ZNF683: variants seen among roughly 807,000 people sequenced by gnomAD.
ZNF683 encodes the protein zinc finger protein 683.
In ZNF683, 20 loss-of-function variants were observed where a neutral mutation model predicts 31.4. The observed-to-expected ratio is 0.64, with a 90% CI of 0.45 to 0.93. The LOEUF (loss-of-function observed/expected upper bound fraction) is 0.93, where lower values mean the gene tolerates loss of function less well. ZNF683 is among the 40% of genes least tolerant of loss of function. ZNF683 has a pLI of 0.00. For missense variants in ZNF683, 621 were observed against 637.2 expected (o/e 0.97, Z 0.27); for synonymous variants, 264 against 267.6 (o/e 0.99, Z 0.13).
intron 1 of ZNF683, chr1:26,370,600 T>A (rs774811703): frequency 1.1e-4 from 103 of 964,502 alleles, no homozygotes; most frequent in Non-Finnish European, 1.2e-4. Flanking sequence ...TCCTCACTCC[T>A]CCCAACGCTG....
chr1:26,362,320 G>T, intron 5 of ZNF683: 1 of 806,954 alleles, frequency 1.2e-6, no homozygotes, highest in Non-Finnish European at 2.1e-6. Context: ...ATGGTGGACT[G>T]AATGAGATAA....
chr1:26,372,655 A>G lies in ZNF683; in HGVS notation c.-15+14T>C, dbSNP rs1234130015. ...TAAAAACTACTTCCCCTCTATCCGCACTTCCCAACCTACTCTGGTGATCAT... is the reference window on the plus strand; with the variant it reads ...TAAAAACTACTTCCCCTCTATCCGCGCTTCCCAACCTACTCTGGTGATCAT... On this transcript the variant is annotated intron_variant, in intron 1 of 5. Transcript: ENST00000349618. 2 of 1,302,286 alleles carry G rather than the reference A, an allele frequency of 1.5e-6. No homozygotes were observed. The highest frequency in any genetic ancestry group is 3.0e-5 in the African/African-American group (2 of 65,746). 80.7% of individuals were successfully genotyped at this position (1,302,286 alleles called of 1,614,324 possible).
chr1:26,372,653 G>A lies in ZNF683; in HGVS notation c.-15+16C>T, dbSNP rs932805480. On this transcript the variant is annotated intron_variant, in intron 1 of 5. Transcript: ENST00000349618. ...AATAAAAACTACTTCCCCTCTATCC[G>A]CACTTCCCAACCTACTCTGGTGATC... 10 of 1,302,416 alleles carry A rather than the reference G, an allele frequency of 7.7e-6. No individual in the cohort carries two copies. Among genetic ancestry groups the A allele is most frequent in the South Asian group, 6.2e-5 (5 of 80,926 alleles). 80.7% of individuals were successfully genotyped at this position (1,302,416 alleles called of 1,614,324 possible). A position where few individuals can be genotyped will look rare whatever the true frequency, so the allele number is the denominator to read the frequency against.
At chr1:26,374,238 G>A (rs762188513), upstream of ZNF683, 16 of 1,303,052 alleles carry the variant, frequency 1.2e-5, no homozygotes, top group Middle Eastern at 2.1e-4. Flanking sequence ...GAGGGGCACC[G>A]AGTGAAGTTT....
At chr1:26,369,668 C>CAAAA (rs56178546) in intron 1 of ZNF683, among the ~76,000 whole-genome samples, 30,629 of 108,288 alleles carry the variant, frequency 0.28, 4,067 homozygotes, top group East Asian at 0.6. Context: ...ACTTTGTCTC[C>CAAAA]AAAAAAAAAA....
chr1:26,368,596 G>A lies in ZNF683; in HGVS notation c.-14-11C>T. ...TATCCCCATTACCTGCTGGGAAACA[G>A]GTGAGTTAGAGGTAAGCTGTGAAGG... On this transcript the variant is annotated splice_polypyrimidine_tract_variant and intron_variant, in intron 1 of 5. Coordinates refer to ENST00000349618, the MANE Select transcript of ZNF683 (RefSeq NM_001114759.3). The A allele has an allele frequency of 1.9e-6, 3 of 1,584,420 alleles. No individual in the cohort carries two copies. The highest frequency in any genetic ancestry group is 2.6e-6 in the Non-Finnish European group (3 of 1,166,200).
intron 5 of ZNF683, 162 bp from the exon 6 acceptor site, chr1:26,362,184 T>C: frequency 1.9e-6 from 3 of 1,581,174 alleles, no homozygotes. Flanking sequence ...ATCTAGCACA[T>C]TAGAACCAGG....
chr1:26,363,228 C>A, intron 4 of ZNF683, 74 bp from the exon 5 acceptor site: 1 of 1,519,220 alleles, frequency 6.6e-7, no homozygotes, highest in South Asian at 1.2e-5. Context: ...CTCCAAATCT[C>A]TGCCCACTTC....
intron 1 of ZNF683, among the ~76,000 whole-genome samples, chr1:26,369,629 C>G (rs2074617781): frequency 3.3e-5 from 5 of 150,742 alleles, no homozygotes; most frequent in Non-Finnish European, 7.4e-5. Context: ...GATAGCACCA[C>G]TGCATTCTAG....
At chr1:26,370,500 G>T in intron 1 of ZNF683, 1 of 289,938 alleles carries the variant, frequency 3.4e-6, no homozygotes, top group Non-Finnish European at 5.1e-6. Context: ...TCACCTCAGG[G>T]ACCACTCTTT....
chr1:26,368,789 T>C (rs2074594633), intron 1 of ZNF683, among the ~76,000 whole-genome samples: 1 of 152,234 alleles, frequency 6.6e-6, no homozygotes, highest in Admixed American at 6.5e-5. Flanking sequence ...TAGAAGCCAG[T>C]GATGCTCTCC....
At chr1:26,370,855 C>T (rs2074653500) in intron 1 of ZNF683, 1 of 357,904 alleles carries the variant, frequency 2.8e-6, no homozygotes, top group South Asian at 1.1e-4. Flanking sequence ...CAAGGGGGCA[C>T]TATCCACTCA....
chr1:26,370,333 G>A (rs1167446160), intron 1 of ZNF683, among the ~76,000 whole-genome samples: 1 of 152,114 alleles, frequency 6.6e-6, no homozygotes, highest in Non-Finnish European at 1.5e-5. Context: ...TGAATGAGTG[G>A]ACCAAGCCCC....
chr1:26,371,929 CT>C (rs1050535391), intron 1 of ZNF683, among the ~76,000 whole-genome samples: 28 of 152,112 alleles, frequency 1.8e-4, no homozygotes, highest in African/African-American at 4.8e-4. Flanking sequence ...GAGACCCTGT[CT>C]TAAAAAAAGT....
chr1:26,372,745 G>C lies in ZNF683; in HGVS notation c.-91C>G. The C allele has an allele frequency of 8.2e-7, 1 of 1,219,086 alleles. No individual in the cohort carries two copies. 75.5% of individuals were successfully genotyped at this position (1,219,086 alleles called of 1,614,324 possible). On this transcript the variant is annotated 5_prime_UTR_variant, in exon 1 of 6. Coordinates refer to ENST00000349618, the MANE Select transcript of ZNF683 (RefSeq NM_001114759.3). ...ATCTGCTCAGGTTCCTCAGTTAGAAGACCATGGTCCTCCCTTTGTGCTACC... is the reference window on the plus strand; with the variant it reads ...ATCTGCTCAGGTTCCTCAGTTAGAACACCATGGTCCTCCCTTTGTGCTACC...
Position 26,366,817 on chromosome 1 carries a change from C to G in ZNF683, c.319+776G>C, listed in dbSNP as rs2074535261. ...ACTACAGGCACCTGCCACCACCCCC[C>G]AGCTAATTTTTTGTATTTTTAGTAG... On this transcript the variant is annotated intron_variant, in intron 3 of 5. Coordinates refer to ENST00000349618, the MANE Select transcript of ZNF683 (RefSeq NM_001114759.3). Among the ~76,000 whole-genome samples, 5 of 152,236 alleles carry G rather than the reference C, an allele frequency of 3.3e-5. No individual in the cohort carries two copies. The South Asian group carries it at 8.3e-4, about 25-fold the overall frequency.
At chr1:26,363,614 G>C (rs1402587443) in intron 4 of ZNF683, among the ~76,000 whole-genome samples, 1 of 151,650 alleles carries the variant, frequency 6.6e-6, no homozygotes, top group East Asian at 1.9e-4. Flanking sequence ...CAAAAAATTT[G>C]AAAGTTAACG....
In ZNF683 at chr1:26,371,164, T is replaced by C. The variant is rs1484400904; in HGVS notation, c.-15+1505A>G. 4.6e-5 allele frequency among the ~76,000 whole-genome samples: 7 copies of C among 151,958 alleles called. No individual in the cohort carries two copies. The East Asian group carries it at 1.2e-3, about 25-fold the overall frequency. On this transcript the variant is annotated intron_variant, in intron 1 of 5. Transcript: ENST00000349618. ...CAAGAACAGGCAACATAGAAGGATA[T>C]GGAATGAGACAGAGGACAGAGAAGG...
chr1:26,372,829 T>C (rs558102502), upstream of ZNF683: 23 of 1,180,706 alleles, frequency 1.9e-5, no homozygotes, highest in African/African-American at 2.7e-4. Context: ...TCACAGGGCA[T>C]GGAGGCTGAC....
Sources: allele counts gnomAD v4.1 joint callset (sites outside exome capture counted in the v4.1 genomes callset), GRCh38; gene constraint gnomAD v4.1.1; transcripts MANE v1.5; gene names NCBI Gene and HGNC (gene_info 2026-07-23, HGNC 2026-07-21).